Variants in CRLF3 observed in about 807,000 individuals in gnomAD.
CRLF3 encodes the protein cytokine receptor-like factor 3.
Under a neutral mutation model 55.0 loss-of-function variants are expected in CRLF3, and 33 were observed. The ratio of observed to expected loss-of-function variants is 0.60; its 90% CI spans 0.46 to 0.80. The LOEUF (loss-of-function observed/expected upper bound fraction) is 0.80, where lower values mean the gene tolerates loss of function less well. Among genes scored for constraint, CRLF3 ranks in the 30% least tolerant of loss-of-function variants. The pLI is 0.00. For synonymous variants in CRLF3, 238 were observed against 196.8 expected, an observed-to-expected ratio of 1.21 and a Z score of -1.75; for missense variants, 494 against 538.4, an observed-to-expected ratio of 0.92 and a Z score of 0.82.
Position 30,786,022 on chromosome 17 carries a change from A to C in CRLF3, c.969T>G (p.Thr323=), listed in dbSNP as rs1309036737. 3 of 1,588,902 alleles carry C rather than the reference A, an allele frequency of 1.9e-6. No homozygotes were observed. The highest frequency in any genetic ancestry group is 2.6e-6 in the Non-Finnish European group (3 of 1,158,204). Residue 323 remains threonine, a synonymous_variant, in exon 7 of 8, where the codon ACT becomes ACG. Coordinates refer to ENST00000324238, the MANE Select transcript of CRLF3 (RefSeq NM_015986.4). ...CGQTLTFRVE[T]VGQPDRRDSI... is the part of the protein sequence containing the mutation. The stretch of plus-strand genomic sequence containing the variant: ...TATCTCTTCTGTCTGGCTGTCCCAC[A>C]GTTTCAACTCTGTAAATGAAGTAGA...
intron 4 of CRLF3, 85 bp downstream of exon 4, chr17:30,796,075 A>G: frequency 1.1e-6 from 1 of 897,954 alleles, no homozygotes; most frequent in Non-Finnish European, 1.6e-6. Flanking sequence ...AATGTATTTA[A>G]AAGTAGTCAA....
chr17:30,811,659 C>G (rs571375680), intron 1 of CRLF3, among the ~76,000 whole-genome samples: 146 of 145,718 alleles, frequency 1.0e-3, no homozygotes, highest in African/African-American at 3.5e-3. Flanking sequence ...AAAAAATTAG[C>G]TGGTCATGGT....
At position 30,797,266 on chromosome 17, in the gene CRLF3, G is replaced by C. The variant is rs145286075; in HGVS notation, c.425+45C>G. The C allele has an allele frequency of 1.7e-4, 230 of 1,326,824 alleles. No homozygotes were observed. In the African/African-American group the frequency reaches 2.9e-3, roughly 17 times the overall value. The allele number at this position is 1,326,824 out of a possible 1,614,324, so 82.2% of individuals were successfully genotyped here. ...CAGAGGGAGGAAAAAAGCAGACATA[G>C]TTTAAATGCTTAAAAGTAAGTCAAA... is the stretch of plus-strand genomic sequence containing the variant. On this transcript the variant is annotated intron_variant, in intron 3 of 7. Coordinates refer to ENST00000324238, the MANE Select transcript of CRLF3 (RefSeq NM_015986.4).
At chr17:30,819,299 G>C (rs1272610613) in intron 1 of CRLF3, among the ~76,000 whole-genome samples, 2 of 152,176 alleles carry the variant, frequency 1.3e-5, no homozygotes, top group African/African-American at 4.8e-5. Flanking sequence ...ATTTCTCACT[G>C]TAGACACCTC....
At chr17:30,785,436 A>G (rs1971620001) in intron 7 of CRLF3, among the ~76,000 whole-genome samples, 1 of 151,892 alleles carries the variant, frequency 6.6e-6, no homozygotes, top group African/African-American at 2.4e-5. Flanking sequence ...TATTTGTAGA[A>G]TTTAGAACAA....
intron 6 of CRLF3, among the ~76,000 whole-genome samples, chr17:30,788,828 G>A (rs1408056315): frequency 4.0e-5 from 6 of 151,502 alleles, no homozygotes; most frequent in Admixed American, 2.0e-4. Context: ...GGCTGGTCTC[G>A]AACTCCTGAC....
intron 1 of CRLF3, among the ~76,000 whole-genome samples, chr17:30,815,066 TTTC>T (rs1185283780): frequency 2.0e-5 from 3 of 150,018 alleles, no homozygotes; most frequent in Non-Finnish European, 4.4e-5. Context: ...CATTTTTTTC[TTTC>T]TTTTTTCTTT....
At chr17:30,784,479 G>C in intron 7 of CRLF3, 36 bp from the exon 8 acceptor site, 1 of 1,558,026 alleles carries the variant, frequency 6.4e-7, no homozygotes, top group Non-Finnish European at 8.8e-7. Context: ...TTACATGTGA[G>C]CAATAACTAA....
intron 1 of CRLF3, among the ~76,000 whole-genome samples, chr17:30,806,014 C>A (rs560443150): frequency 5.6e-4 from 85 of 152,142 alleles, no homozygotes; most frequent in South Asian, 1.0e-3. Flanking sequence ...CAGAGTGAGA[C>A]CCTGTCTCTA....
rs777165678 is a variant in CRLF3 at position 30,797,328 on chromosome 17, C to G, written c.408G>C (p.Ser136=). 1 of 1,613,234 alleles carries G rather than the reference C, an allele frequency of 6.2e-7. No homozygotes were observed. Among genetic ancestry groups the G allele is most frequent in the Non-Finnish European group, 8.5e-7 (1 of 1,179,230 alleles). The change falls in exon 3 of 8, where the codon TCG becomes TCC. Residue 136 remains serine, a synonymous_variant. Transcript: ENST00000324238. ...EKLWSFTKKA[S]HIQLDSLPEV... ...TCTTTTACCTGTCCAACTGAATGTG[C>G]GAGGCCTTTTTGGTAAAGCTCCACA... is the stretch of plus-strand genomic sequence containing the variant.
At position 30,783,167 on chromosome 17, in the gene CRLF3, TTACA is replaced by T. The variant is rs1292702646; in HGVS notation, c.*1016_*1019del. ...GGCAGATTGGATACACACGTGCATA[TTACA>T]TACATATGAAATGGCTAACACTGCT... is the stretch of plus-strand genomic sequence containing the variant. On this transcript the variant is annotated 3_prime_UTR_variant, in exon 8 of 8. Coordinates refer to ENST00000324238, the MANE Select transcript of CRLF3 (RefSeq NM_015986.4). The T allele has an allele frequency of 1.3e-5, 2 of 152,180 alleles. No individual in the cohort carries two copies. The highest frequency in any genetic ancestry group is 2.4e-5 in the African/African-American group (1 of 41,440). The allele number at this position is 152,180 out of a possible 1,614,324, so 9.4% of individuals were successfully genotyped here.
intron 7 of CRLF3, among the ~76,000 whole-genome samples, chr17:30,785,616 A>G (rs1358661525): frequency 6.6e-6 from 1 of 150,632 alleles, no homozygotes; most frequent in Non-Finnish European, 1.5e-5. Context: ...TTTACAAAAA[A>G]GTAAAAATAA....
chr17:30,787,892 C>G (rs1416493998), intron 6 of CRLF3, among the ~76,000 whole-genome samples: 1 of 152,064 alleles, frequency 6.6e-6, no homozygotes, highest in Non-Finnish European at 1.5e-5. Flanking sequence ...CCTAGCTACT[C>G]AGGAGGCTGA....
At chr17:30,790,060 G>C (rs147510656) in intron 6 of CRLF3, among the ~76,000 whole-genome samples, 4 of 151,864 alleles carry the variant, frequency 2.6e-5, no homozygotes, top group African/African-American at 9.7e-5. Context: ...TTCATTAAGG[G>C]GTGAGGTGTC....
intron 7 of CRLF3, 125 bp from the exon 8 acceptor site, chr17:30,784,568 C>G: frequency 1.3e-6 from 1 of 798,794 alleles, no homozygotes; most frequent in Non-Finnish European, 2.0e-6. Flanking sequence ...GGAATGCCAA[C>G]TGGACATAGA....
intron 1 of CRLF3, among the ~76,000 whole-genome samples, chr17:30,814,373 G>A (rs879623919): frequency 2.0e-5 from 3 of 152,152 alleles, no homozygotes; most frequent in Non-Finnish European, 2.9e-5. Context: ...ATAGTTATCG[G>A]CCAGGAGCAG....
chr17:30,804,147 T>G, intron 1 of CRLF3, 39 bp from the exon 2 acceptor site: 3 of 1,417,660 alleles, frequency 2.1e-6, no homozygotes, highest in Non-Finnish European at 3.0e-6. Context: ...TCAGAATCTT[T>G]AAAAAAGGCT....
chr17:30,818,801 T>G (rs1248084470), intron 1 of CRLF3, among the ~76,000 whole-genome samples: 1 of 149,658 alleles, frequency 6.7e-6, no homozygotes, highest in African/African-American at 2.5e-5. Context: ...CTGTCTTGGT[T>G]TTTTGAAATA....
intron 2 of CRLF3, among the ~76,000 whole-genome samples, chr17:30,798,710 G>T (rs1264688895): frequency 6.6e-6 from 1 of 151,916 alleles, no homozygotes; most frequent in Non-Finnish European, 1.5e-5. Context: ...ATAGTGGCAC[G>T]CTCCTGTAGT....
Sources: allele counts gnomAD v4.1 joint callset (sites outside exome capture counted in the v4.1 genomes callset), GRCh38; gene constraint gnomAD v4.1.1; transcripts MANE v1.5; gene names NCBI Gene and HGNC (gene_info 2026-07-23, HGNC 2026-07-21).